The following CEP83 variants were observed in gnomAD, a reference collection of about 807,000 sequenced individuals.
CEP83 encodes centrosomal protein 83.
CEP83 carries 70 observed loss-of-function variants against 101.9 expected under a neutral mutation model. The ratio of observed to expected loss-of-function variants is 0.69; its 90% CI spans 0.57 to 0.84. The LOEUF is 0.84. Ranked by LOEUF, CEP83 falls within the 40% of genes least tolerant of loss-of-function variation. The pLI, the probability that CEP83 is intolerant of heterozygous loss-of-function variation, is 0.00. For missense variants in CEP83, 715 were observed against 787.2 expected (o/e 0.91, Z 1.10); for synonymous variants, 264 against 267.9 (o/e 0.99, Z 0.14).
intron 11 of CEP83, chr12:94,361,245 A>T (rs1422144864): frequency 6.6e-6 from 1 of 152,228 alleles, no homozygotes; most frequent in Non-Finnish European, 1.5e-5. Context: ...ACGTGCCTAT[A>T]GTCTCAGCTA....
Position 94,309,971 on chromosome 12 carries a change from G to A in CEP83, c.1948C>T (p.Gln650Ter). 6.2e-7 allele frequency: 1 copy of A among 1,611,408 alleles called. No homozygotes were observed. The highest frequency in any genetic ancestry group is 8.5e-7 in the Non-Finnish European group (1 of 1,178,426). ...ATGCTTGGAACCATGGCTGATGACT[G>A]AAAGCTAACAGGATTGATAGATGCT... ...PTASINPVSF[Q>*]SSAMVPSMEL... The change falls in exon 16 of 17, where the codon CAG (glutamine) becomes TAG (stop). Residue 650 changes from glutamine to a stop codon, truncating the protein, a stop_gained. Coordinates refer to ENST00000397809, the MANE Select transcript of CEP83 (RefSeq NM_016122.3). LOFTEE classifies it high-confidence loss of function.
At chr12:94,413,146 G>A (rs1479582757) in intron 2 of CEP83, among the ~76,000 whole-genome samples, 4 of 152,160 alleles carry the variant, frequency 2.6e-5, no homozygotes, top group Admixed American at 6.5e-5. Context: ...GAGCCACCAC[G>A]CTCAGCCTCT....
the CEP83 span, among the ~76,000 whole-genome samples, chr12:94,281,189 G>A: frequency 6.6e-6 from 1 of 152,178 alleles, no homozygotes; most frequent in Non-Finnish European, 1.5e-5. Flanking sequence ...TGAGGCAGAA[G>A]AACTGCTTGA....
At chr12:94,406,451 G>T (rs934108445) in intron 4 of CEP83, among the ~76,000 whole-genome samples, 1 of 149,368 alleles carries the variant, frequency 6.7e-6, no homozygotes, top group African/African-American at 2.5e-5. Context: ...AGAGAAGCAT[G>T]AGAGAGAGAG....
chr12:94,284,765 G>C, the CEP83 span, among the ~76,000 whole-genome samples: 1 of 152,142 alleles, frequency 6.6e-6, no homozygotes, highest in Non-Finnish European at 1.5e-5. Context: ...GTAGGGGTAG[G>C]GAGGCAAGCA....
intron 11 of CEP83, among the ~76,000 whole-genome samples, chr12:94,343,684 G>A (rs564101910): frequency 1.3e-5 from 2 of 149,896 alleles, no homozygotes; most frequent in Admixed American, 6.6e-5. Flanking sequence ...TAGTAGAGAC[G>A]GGGTTTCACC....
intron 1 of CEP83, among the ~76,000 whole-genome samples, chr12:94,442,306 A>C (rs2066469585): frequency 6.6e-6 from 1 of 151,012 alleles, no homozygotes; most frequent in South Asian, 2.1e-4. Flanking sequence ...CACAAGTGGA[A>C]GCTAAGCTAT....
intron 11 of CEP83, among the ~76,000 whole-genome samples, chr12:94,366,263 T>C (rs2061023065): frequency 6.6e-6 from 1 of 152,048 alleles, no homozygotes. Context: ...ATAGAAAGAA[T>C]AAACCTGCTT....
At position 94,452,009 on chromosome 12, in the gene CEP83, T is replaced by C. The variant is rs145007751; in HGVS notation, c.-155+7548A>G. Among the ~76,000 whole-genome samples, 387 of 152,216 alleles carry C rather than the reference T, an allele frequency of 2.5e-3. 2 individuals are homozygous for C. Among genetic ancestry groups the C allele is most frequent in the African/African-American group, 9.0e-3 (375 of 41,558 alleles). On this transcript the variant is annotated intron_variant, in intron 1 of 16. Coordinates refer to ENST00000397809, the MANE Select transcript of CEP83 (RefSeq NM_016122.3). ...GAATGGAAAATACACACGAATACTA[T>C]GCAACAATTAAAAAGAACAAAACAT...
At chr12:94,297,076 G>A in the CEP83 span, 1 of 988,152 alleles carries the variant, frequency 1.0e-6, no homozygotes, top group South Asian at 1.4e-5. Flanking sequence ...AAGTCAAAAA[G>A]CTCAAGTAAC....
chr12:94,288,729 C>T, the CEP83 span, among the ~76,000 whole-genome samples: 2 of 152,226 alleles, frequency 1.3e-5, no homozygotes, highest in African/African-American at 4.8e-5. Flanking sequence ...AGCCTTGGGG[C>T]ATCAGTGAGA....
the CEP83 span, among the ~76,000 whole-genome samples, chr12:94,275,942 G>A: frequency 6.7e-6 from 1 of 149,702 alleles, no homozygotes; most frequent in East Asian, 2.0e-4. Context: ...ATCAATTTAT[G>A]TCTGAATTTA....
chr12:94,365,379 T>C (rs183446014), intron 11 of CEP83, among the ~76,000 whole-genome samples: 8 of 152,332 alleles, frequency 5.3e-5, no homozygotes, highest in African/African-American at 1.9e-4. Context: ...GATTTACCTT[T>C]TGACCCACCT....
At chr12:94,304,029 AC>A, downstream of CEP83, 1 of 1,566,450 alleles carries the variant, frequency 6.4e-7, no homozygotes, top group Non-Finnish European at 8.8e-7. Flanking sequence ...ATTTACAAAT[AC>A]ATCGTAAAAT....
At chr12:94,345,336 G>A (rs1396826335) in intron 11 of CEP83, among the ~76,000 whole-genome samples, 2 of 152,168 alleles carry the variant, frequency 1.3e-5, no homozygotes, top group Non-Finnish European at 1.5e-5. Context: ...TTCCTGGCTC[G>A]TAACTTCCAT....
In CEP83 at chr12:94,376,690, T is replaced by TACACAC. The variant is rs533315599; in HGVS notation, c.802-679_802-674dup. Among the ~76,000 whole-genome samples the TACACAC allele has an allele frequency of 6.5e-3, 757 of 117,330 alleles. 6 individuals are homozygous for TACACAC. The highest frequency in any genetic ancestry group is 0.016 in the East Asian group (67 of 4,132). 77.0% of individuals were successfully genotyped at this position (117,330 alleles called of 152,430 possible). ...ATTCAACATAATATATATACATATATACACACACACACACACACACACACA... is the reference window on the plus strand; with the variant it reads ...ATTCAACATAATATATATACATATATACACACACACACACACACACACACACACACA... On this transcript the variant is annotated intron_variant, in intron 7 of 16. Coordinates refer to ENST00000397809, the MANE Select transcript of CEP83 (RefSeq NM_016122.3).
intron 6 of CEP83, among the ~76,000 whole-genome samples, chr12:94,382,775 A>G (rs538304299): frequency 3.3e-5 from 5 of 152,128 alleles, no homozygotes; most frequent in African/African-American, 1.2e-4. Context: ...GATATGGTCT[A>G]TCTTGTATAT....
chr12:94,392,678 T>C (rs541862125), intron 6 of CEP83, among the ~76,000 whole-genome samples: 1 of 152,204 alleles, frequency 6.6e-6, no homozygotes, highest in African/African-American at 2.4e-5. Flanking sequence ...AAAGAACCCT[T>C]CAAAAAAATC....
intron 11 of CEP83, among the ~76,000 whole-genome samples, chr12:94,359,937 C>T (rs974249625): frequency 6.6e-6 from 1 of 152,104 alleles, no homozygotes; most frequent in Admixed American, 6.6e-5. Flanking sequence ...TCACCATGAT[C>T]AAGTTAGATT....
Sources: gnomAD v4.1 joint callset for allele counts (sites outside exome capture counted in the v4.1 genomes callset) on GRCh38, gnomAD v4.1.1 for gene constraint, MANE v1.5 for transcripts, NCBI Gene and HGNC (gene_info 2026-07-23, HGNC 2026-07-21) for gene names.